Variants in MGAT4B observed in about 807,000 individuals in gnomAD.
MGAT4B encodes alpha-1,3-mannosyl-glycoprotein 4-beta-N-acetylglucosaminyltransferase B.
MGAT4B carries 38 observed loss-of-function variants against 73.9 expected under a neutral mutation model. The ratio of observed to expected loss-of-function variants is 0.51; its 90% CI spans 0.40 to 0.67. The LOEUF is 0.67. MGAT4B is among the 30% of genes least tolerant of loss of function. The probability of loss-of-function intolerance (pLI) is 0.00; values close to 1 mark genes in which losing one functional copy is unlikely to be tolerated. For synonymous variants in MGAT4B, 373 were observed against 313.5 expected, an observed-to-expected ratio of 1.19 and a Z score of -2.01; for missense variants, 686 against 735.2, an observed-to-expected ratio of 0.93 and a Z score of 0.77.
Position 179,799,774 on chromosome 5 carries a change from T to C in MGAT4B, c.911-138A>G, listed in dbSNP as rs73349993. 4.0e-3 allele frequency: 5,410 copies of C among 1,361,782 alleles called. 203 individuals are homozygous for C. In the African/African-American group the frequency reaches 0.071, roughly 18 times the overall value. 84.4% of individuals were successfully genotyped at this position (1,361,782 alleles called of 1,614,324 possible). A position where few individuals can be genotyped will look rare whatever the true frequency, so the allele number is the denominator to read the frequency against. ...ATAACGGGGCAGGGAGGCAGACAGGTGATGAGGGCAGACATGTCTGATGCA... is the reference window on the plus strand; with the variant it reads ...ATAACGGGGCAGGGAGGCAGACAGGCGATGAGGGCAGACATGTCTGATGCA... On this transcript the variant is annotated intron_variant, in intron 8 of 14. Coordinates refer to ENST00000292591, the MANE Select transcript of MGAT4B (RefSeq NM_014275.5).
intron 1 of MGAT4B, chr5:179,802,806 C>T: frequency 1.0e-6 from 1 of 985,602 alleles, no homozygotes; most frequent in South Asian, 4.7e-5. Context: ...TCAACAACCT[C>T]CTGGTGGCTC....
In MGAT4B at chr5:179,799,064, C is replaced by T; in HGVS notation, c.1207G>A (p.Val403Met). ...RKEHVNPPAE[V>M]STSLKTYQHF... The stretch of plus-strand genomic sequence containing the variant: ...TGGTATGTCTTCAGGCTCGTGCTCA[C>T]CTCTGCTGGCGGGTTCACATGCTCC... Residue 403 changes from valine (V) to methionine (M), a missense_variant, in exon 11 of 15, where the codon GTG (valine) becomes ATG (methionine). Transcript: ENST00000292591. 1 of 1,613,984 alleles carries T rather than the reference C, an allele frequency of 6.2e-7. No homozygotes were observed. Among genetic ancestry groups the T allele is most frequent in the Non-Finnish European group, 8.5e-7 (1 of 1,180,030 alleles).
rs540725190 is a variant in MGAT4B, at chr5:179,799,689, C to T, written c.911-53G>A. 183 of 1,609,202 alleles carry T rather than the reference C, an allele frequency of 1.1e-4. No homozygotes were observed. In the African/African-American group the frequency reaches 2.1e-3, roughly 18 times the overall value. Reference sequence around the variant, plus strand: ...TGCTGCTCTGCCTACTTCCTTTCTCCCTGCAGCGGCCCCCGAGTCCCACAG... The same window carrying T: ...TGCTGCTCTGCCTACTTCCTTTCTCTCTGCAGCGGCCCCCGAGTCCCACAG... On this transcript the variant is annotated intron_variant, in intron 8 of 14. Coordinates refer to ENST00000292591, the MANE Select transcript of MGAT4B (RefSeq NM_014275.5).
At chr5:179,798,624 G>A in intron 11 of MGAT4B, 33 bp from the exon 12 acceptor site, 1 of 1,608,950 alleles carries the variant, frequency 6.2e-7, no homozygotes, top group Non-Finnish European at 8.5e-7. Context: ...GCTGCTGCAG[G>A]GGCAGCGTTC....
chr5:179,799,089 C>G lies in MGAT4B; in HGVS notation c.1182G>C (p.Lys394Asn), dbSNP rs766811234. 3 of 1,613,952 alleles carry G rather than the reference C, an allele frequency of 1.9e-6. No individual in the cohort carries two copies. In the Admixed American group the frequency reaches 5.0e-5, roughly 27 times the overall value. Reference protein sequence around the residue: ...DKDFGKQALRKEHVNPPAEVS... With the variant: ...DKDFGKQALRNEHVNPPAEVS... ...CCTCTGCTGGCGGGTTCACATGCTCCTTCCGCAGCGCCTGCTTTCCAAAGT... is the reference window on the plus strand; with the variant it reads ...CCTCTGCTGGCGGGTTCACATGCTCGTTCCGCAGCGCCTGCTTTCCAAAGT... Residue 394 changes from lysine (K) to asparagine (N), a missense_variant, in exon 11 of 15, where the codon AAG becomes AAC. By Grantham distance (94) the Lys-to-Asn change is moderately conservative (BLOSUM62 0). Coordinates refer to ENST00000292591, the MANE Select transcript of MGAT4B (RefSeq NM_014275.5).
intron 1 of MGAT4B, among the ~76,000 whole-genome samples, chr5:179,804,547 C>T (rs189828889): frequency 9.2e-5 from 14 of 152,322 alleles, no homozygotes; most frequent in Admixed American, 4.6e-4. Flanking sequence ...CCAAACCCTT[C>T]TCCAGGGTCC....
At chr5:179,800,810 G>A (rs1756887635) in intron 5 of MGAT4B, 97 bp downstream of exon 5, 1 of 1,386,728 alleles carries the variant, frequency 7.2e-7, no homozygotes, top group Admixed American at 1.8e-5. Context: ...CCACGAGATA[G>A]GAAAGGCACT....
chr5:179,799,869 C>T, intron 8 of MGAT4B, 85 bp downstream of exon 8: 1 of 1,387,996 alleles, frequency 7.2e-7, no homozygotes, highest in South Asian at 1.2e-5. Flanking sequence ...GGCAAAGGCT[C>T]ACAGTGGACA....
In MGAT4B at chr5:179,801,961, C is replaced by A. The variant is rs777423652; in HGVS notation, c.106G>T (p.Val36Leu). The change falls in exon 2 of 15, where the codon GTG becomes TTG. Residue 36 changes from valine (V) to leucine (L), a missense_variant. Physicochemically the swap from Val to Leu is conservative, Grantham distance 32. Coordinates refer to ENST00000292591, the MANE Select transcript of MGAT4B (RefSeq NM_014275.5). This position sits in a 1 kb window ranked among gnomAD's most constrained non-coding sequence, Gnocchi z 4.8. ...AGGAACTCCCGCTGGTAAACGTCCA[C>A]AACGTCGCCTGCAGGTGGTAGGCAA... ...AALSGQKGDV[V>L]DVYQREFLAL... 3.7e-6 allele frequency: 6 copies of A among 1,613,308 alleles called. No individual in the cohort carries two copies. The African/African-American group carries it at 8.0e-5, about 22-fold the overall frequency.
At chr5:179,804,165 G>T (rs528036780) in intron 1 of MGAT4B, among the ~76,000 whole-genome samples, 1 of 152,346 alleles carries the variant, frequency 6.6e-6, no homozygotes, top group Non-Finnish European at 1.5e-5. Flanking sequence ...CTTCCCTCTT[G>T]GTTGGGGAAA....
At chr5:179,802,095 C>G in intron 1 of MGAT4B, 126 bp from the exon 2 acceptor site, 1 of 1,566,844 alleles carries the variant, frequency 6.4e-7, no homozygotes, top group Non-Finnish European at 8.7e-7. Flanking sequence ...TGTTCTTGTG[C>G]CTGCCACACG....
chr5:179,801,764 C>A lies in MGAT4B; in HGVS notation c.283+20G>T. The A allele has an allele frequency of 6.4e-7, 1 of 1,564,892 alleles. No individual in the cohort carries two copies. Among genetic ancestry groups the A allele is most frequent in the South Asian group, 1.2e-5 (1 of 86,534 alleles). ...AACCAGCCCGCCCCCGCCTTTTCCC[C>A]CTCCCGCCCCAGACCTCACCTGTTA... On this transcript the variant is annotated intron_variant, in intron 2 of 14. Coordinates refer to ENST00000292591, the MANE Select transcript of MGAT4B (RefSeq NM_014275.5). The surrounding 1 kb of genome is among the most constrained non-coding windows in gnomAD (Gnocchi z 4.8).
chr5:179,798,785 T>G, intron 11 of MGAT4B, 143 bp downstream of exon 11: 1 of 1,126,870 alleles, frequency 8.9e-7, no homozygotes, highest in Non-Finnish European at 1.3e-6. Flanking sequence ...CTGCCTGACT[T>G]AGTCCTCACA....
At chr5:179,805,149 G>GCT (rs931109146) in intron 1 of MGAT4B, 1 of 152,250 alleles carries the variant, frequency 6.6e-6, no homozygotes, top group African/African-American at 2.4e-5. Context: ...TGCAGAGGTG[G>GCT]CTCCTGACAT....
chr5:179,805,700 C>T (rs1434787268), intron 1 of MGAT4B, among the ~76,000 whole-genome samples: 1 of 152,246 alleles, frequency 6.6e-6, no homozygotes, highest in Non-Finnish European at 1.5e-5. Context: ...TGGACTCAGC[C>T]CGCTTAGGCC....
Position 179,801,353 on chromosome 5 carries a change from A to G in MGAT4B, c.539T>C (p.Ile180Thr), listed in dbSNP as rs975159526. The change falls in exon 4 of 15, where the codon ATC becomes ACC. Residue 180 changes from isoleucine to threonine, a missense_variant. Physicochemically the swap from Ile to Thr is moderately conservative, Grantham distance 89 (BLOSUM62 -1). This residue lies in a region of MGAT4B where 449 missense variants were observed against 536.8 expected (regional missense o/e 0.84). Coordinates refer to ENST00000292591, the MANE Select transcript of MGAT4B (RefSeq NM_014275.5). This position sits in a 1 kb window ranked among gnomAD's most constrained non-coding sequence, Gnocchi z 4.8. Reference sequence around the variant, plus strand: ...ACTCGCCTCGGCGATCAGCACCACGATGACCGAGTCCTCCTTCTCCTGCGG... The same window carrying G: ...ACTCGCCTCGGCGATCAGCACCACGGTGACCGAGTCCTCCTTCTCCTGCGG... ...LSPQEKEDSV[I>T]VVLIAETDSQ... 6.2e-7 allele frequency: 1 copy of G among 1,611,736 alleles called. No homozygotes were observed. The highest frequency in any genetic ancestry group is 8.5e-7 in the Non-Finnish European group (1 of 1,179,120).
chr5:179,806,291 G>A lies in MGAT4B; in HGVS notation c.97+196C>T. 5.4e-6 allele frequency: 1 copy of A among 185,944 alleles called. No homozygotes were observed. Among genetic ancestry groups the A allele is most frequent in the East Asian group, 1.6e-4 (1 of 6,092 alleles). 11.5% of individuals were successfully genotyped at this position (185,944 alleles called of 1,614,324 possible). On this transcript the variant is annotated intron_variant, in intron 1 of 14. Transcript: ENST00000292591. This position sits in a 1 kb window ranked among gnomAD's most constrained non-coding sequence, Gnocchi z 4.6. ...CCGGTCCGGAGCACCCACGGGCGCG[G>A]CCCGGGCCCGAGGAGAACGCCGCGG...
Position 179,801,812 on chromosome 5 carries a change from G to C in MGAT4B, c.255C>G (p.Asp85Glu), listed in dbSNP as rs775600576. Residue 85 changes from aspartate (D) to glutamate (E), a missense_variant, in exon 2 of 15, where the codon GAC becomes GAG. Physicochemically the swap from Asp to Glu is conservative, Grantham distance 45. Coordinates refer to ENST00000292591, the MANE Select transcript of MGAT4B (RefSeq NM_014275.5). This position sits in a 1 kb window ranked among gnomAD's most constrained non-coding sequence, Gnocchi z 4.8. ...VSERQALRDG[D>E]GNRTWGRLTE... ...TTAGGCGGCCCCAGGTGCGATTGCC[G>C]TCTCCGTCTCGCAGCGCCTGCCTTT... 2 of 1,596,812 alleles carry C rather than the reference G, an allele frequency of 1.3e-6. No individual in the cohort carries two copies. Among genetic ancestry groups the C allele is most frequent in the Admixed American group, 1.7e-5 (1 of 59,172 alleles).
At chr5:179,803,037 A>G in intron 1 of MGAT4B, 2 of 985,458 alleles carry the variant, frequency 2.0e-6, no homozygotes, top group Non-Finnish European at 2.4e-6. Flanking sequence ...AGCCCTGTGC[A>G]TGATCAAGGT....
Sources: gnomAD v4.1 joint callset for allele counts (sites outside exome capture counted in the v4.1 genomes callset) on GRCh38, gnomAD v4.1.1 for gene constraint, gnomAD v4.1.1 regional missense constraint, Gnocchi (gnomAD v3.1) non-coding constraint, MANE v1.5 for transcripts, NCBI Gene and HGNC (gene_info 2026-07-23, HGNC 2026-07-21) for gene names.